NRXN1: variants seen among roughly 807,000 people sequenced by gnomAD.
NRXN1 encodes neurexin 1.
NRXN1 carries 39 observed loss-of-function variants against 150.9 expected under a neutral mutation model. That is an observed-to-expected ratio of 0.26 (90% CI 0.20 to 0.34). The LOEUF is 0.34. Ranked by LOEUF, NRXN1 falls within the 10% of genes least tolerant of loss-of-function variation. The probability of loss-of-function intolerance (pLI) is 1.00; values close to 1 mark genes in which losing one functional copy is unlikely to be tolerated. For synonymous variants in NRXN1, 924 were observed against 757.0 expected (o/e 1.22, Z -3.62); for missense variants, 1,815 against 1,949.9 (o/e 0.93, Z 1.30).
chr2:50,047,625 C>T (rs1450100518), intron 21 of NRXN1, among the ~76,000 whole-genome samples: 2 of 151,984 alleles, frequency 1.3e-5, no homozygotes, highest in South Asian at 2.1e-4. Flanking sequence ...ACCTACATCT[C>T]GAATACTTTA....
In NRXN1 at chr2:50,457,328, G is replaced by T. The variant is rs570320707; in HGVS notation, c.3364+8114C>A. Among the ~76,000 whole-genome samples, 8 of 152,138 alleles carry T rather than the reference G, an allele frequency of 5.3e-5. No individual in the cohort carries two copies. In the East Asian group the frequency reaches 1.5e-3, roughly 29 times the overall value. ...TGCACTTATTACTAATTTCTCTAGG[G>T]AATTTTGCAGCTAGGGAATTTCAGT... On this transcript the variant is annotated intron_variant, in intron 17 of 22. Coordinates refer to ENST00000401669, the MANE Select transcript of NRXN1 (RefSeq NM_001330078.2).
intron 5 of NRXN1, among the ~76,000 whole-genome samples, chr2:50,686,032 T>G (rs188637197): frequency 9.2e-5 from 14 of 152,254 alleles, no homozygotes; most frequent in Admixed American, 6.5e-4. Context: ...TTCCTCTCCC[T>G]CCTGAACTGA....
At chr2:50,190,732 C>T (rs751195142) in intron 18 of NRXN1, among the ~76,000 whole-genome samples, 20 of 151,376 alleles carry the variant, frequency 1.3e-4, no homozygotes, top group Non-Finnish European at 2.4e-4. Context: ...CCTGCCTCAG[C>T]CTTCTGAGTA....
intron 5 of NRXN1, among the ~76,000 whole-genome samples, chr2:50,853,934 A>G (rs1008135300): frequency 1.3e-5 from 2 of 152,008 alleles, no homozygotes; most frequent in African/African-American, 2.4e-5. Context: ...ACTTTTTCCA[A>G]TTTCTATATT....
chr2:50,840,623 T>A (rs887396059), intron 5 of NRXN1, among the ~76,000 whole-genome samples: 1 of 152,106 alleles, frequency 6.6e-6, no homozygotes, highest in Admixed American at 6.6e-5. Flanking sequence ...CTTGTGCAAC[T>A]TCGGATAACA....
rs895830539 is a variant in NRXN1, at chr2:50,127,731, G to A, written c.3547-36237C>T. 8.3e-4 allele frequency among the ~76,000 whole-genome samples: 126 copies of A among 152,158 alleles called. 6 individuals carry two copies. Among genetic ancestry groups the A allele is most frequent in the East Asian group, 1.9e-4 (1 of 5,192 alleles). On this transcript the variant is annotated intron_variant, in intron 18 of 22. Transcript: ENST00000401669. ...TGATGACGTATATAAAATATGGAAA[G>A]TCTTTATGCTTTGCTTTTGTTCTCA... is the stretch of plus-strand genomic sequence containing the variant.
chr2:50,577,614 C>T (rs1212794557), intron 8 of NRXN1, among the ~76,000 whole-genome samples: 1 of 152,002 alleles, frequency 6.6e-6, no homozygotes, highest in Non-Finnish European at 1.5e-5. Context: ...GGAGAATATA[C>T]TCCATTATAT....
At chr2:50,900,498 A>G (rs951488699) in intron 5 of NRXN1, among the ~76,000 whole-genome samples, 4 of 152,202 alleles carry the variant, frequency 2.6e-5, no homozygotes, top group Non-Finnish European at 1.5e-5. Context: ...CTTGGGTAAA[A>G]TATTTAGAAA....
rs540412314 is a variant in NRXN1, at chr2:49,991,855, T to A, written c.4129-48064A>T. Among the ~76,000 whole-genome samples the A allele has an allele frequency of 2.1e-3, 319 of 152,294 alleles. 4 individuals carry two copies. The highest frequency in any genetic ancestry group is 7.4e-3 in the African/African-American group (308 of 41,546). On this transcript the variant is annotated intron_variant, in intron 21 of 22. Transcript: ENST00000401669. ...AACGTCAAGCCTTACTATAAAGTTA[T>A]AACATTCAAGACAGTGTGGTATTAA...
intron 2 of NRXN1, among the ~76,000 whole-genome samples, chr2:51,018,164 C>G (rs778563585): frequency 2.0e-5 from 3 of 152,054 alleles, no homozygotes; most frequent in Non-Finnish European, 2.9e-5. Context: ...GATTAGAACC[C>G]ACACAGAATT....
intron 17 of NRXN1, among the ~76,000 whole-genome samples, chr2:50,421,249 T>C (rs867951977): frequency 6.6e-6 from 1 of 152,126 alleles, no homozygotes; most frequent in Admixed American, 6.6e-5. Context: ...TTTTCCACTT[T>C]GCATGCCAAA....
intron 21 of NRXN1, among the ~76,000 whole-genome samples, chr2:49,960,624 TAA>T (rs1411657938): frequency 6.6e-6 from 1 of 152,152 alleles, no homozygotes; most frequent in Non-Finnish European, 1.5e-5. Flanking sequence ...AGTATTTCCT[TAA>T]AAGTGTCTCA....
At chr2:50,570,583 A>T (rs1041499266) in intron 8 of NRXN1, among the ~76,000 whole-genome samples, 3 of 152,128 alleles carry the variant, frequency 2.0e-5, no homozygotes, top group Non-Finnish European at 4.4e-5. Context: ...TGTGTGGTTG[A>T]GTGGCAGAAA....
chr2:50,170,660 T>G (rs899608644), intron 18 of NRXN1, among the ~76,000 whole-genome samples: 1 of 152,024 alleles, frequency 6.6e-6, no homozygotes, highest in African/African-American at 2.4e-5. Flanking sequence ...GATGCTCAAA[T>G]AGTGCAAATA....
chr2:51,013,327 T>A (rs982913506), intron 2 of NRXN1, among the ~76,000 whole-genome samples: 3 of 151,956 alleles, frequency 2.0e-5, no homozygotes, highest in East Asian at 1.9e-4. Context: ...GACACCAATG[T>A]GCAACAACAG....
chr2:50,085,466 T>A (rs1233317390), intron 19 of NRXN1, among the ~76,000 whole-genome samples: 3 of 152,152 alleles, frequency 2.0e-5, no homozygotes, highest in African/African-American at 7.2e-5. Flanking sequence ...ATACATTTAA[T>A]GAGAACATGG....
intron 18 of NRXN1, among the ~76,000 whole-genome samples, chr2:50,201,990 T>A (rs10490233): frequency 0.11 from 17,282 of 152,262 alleles, 1,714 homozygotes; most frequent in East Asian, 0.38. Context: ...TTTTATTCAA[T>A]ACATTGTTAC....
Position 49,999,109 on chromosome 2 carries a change from A to G in NRXN1, c.4128+54162T>C, listed in dbSNP as rs560803750. Among the ~76,000 whole-genome samples the G allele has an allele frequency of 7.2e-5, 11 of 152,312 alleles. No individual in the cohort carries two copies. The East Asian group carries it at 2.1e-3, about 29-fold the overall frequency. On this transcript the variant is annotated intron_variant, in intron 21 of 22. Coordinates refer to ENST00000401669, the MANE Select transcript of NRXN1 (RefSeq NM_001330078.2). Reference sequence around the variant, plus strand: ...GGAACTAAAAATTTGTGTTTCTATCAGCAACCAGGTGATGCCTTTGCTGCT... The same window carrying G: ...GGAACTAAAAATTTGTGTTTCTATCGGCAACCAGGTGATGCCTTTGCTGCT...
chr2:50,658,331 AGCC>A (rs1387701146), intron 5 of NRXN1, among the ~76,000 whole-genome samples: 3 of 151,686 alleles, frequency 2.0e-5, no homozygotes, highest in Non-Finnish European at 2.9e-5. Context: ...ATCAGTGGTG[AGCC>A]TCAGAAACAG....
Sources: gnomAD v4.1 joint callset for allele counts (sites outside exome capture counted in the v4.1 genomes callset) on GRCh38, gnomAD v4.1.1 for gene constraint, MANE v1.5 for transcripts, NCBI Gene and HGNC (gene_info 2026-07-23, HGNC 2026-07-21) for gene names.